LAMA4: variants seen among roughly 807,000 people sequenced by gnomAD.
The protein encoded by LAMA4 is laminin subunit alpha-4.
A neutral mutation model predicts 207.1 loss-of-function variants in LAMA4; 127 were observed. The observed-to-expected ratio is 0.61, with a 90% confidence interval of 0.53 to 0.71. The LOEUF is 0.71. Among genes scored for constraint, LAMA4 ranks in the 30% least tolerant of loss-of-function variants. The pLI is 0.00. For synonymous variants in LAMA4, 761 were observed against 816.0 expected, an observed-to-expected ratio of 0.93 and a Z score of 1.15; for missense variants, 2,093 against 2,246.5, an observed-to-expected ratio of 0.93 and a Z score of 1.38.
rs1778157285 is a variant in LAMA4 at position 112,118,582 on chromosome 6, C to T, written c.4821+574G>A. Among the ~76,000 whole-genome samples, 1 of 151,984 alleles carries T rather than the reference C, an allele frequency of 6.6e-6. No individual in the cohort carries two copies. Among genetic ancestry groups the T allele is most frequent in the Non-Finnish European group, 1.5e-5 (1 of 67,992 alleles). Reference sequence around the variant, plus strand: ...AAAAATTTAGTCCTTTGATGCATTCCTTTTATTGCTAAATTTTTTATAAGT... The same window carrying T: ...AAAAATTTAGTCCTTTGATGCATTCTTTTTATTGCTAAATTTTTTATAAGT... On this transcript the variant is annotated intron_variant, in intron 34 of 38. Transcript: ENST00000230538. This position sits in a 1 kb window ranked among gnomAD's most constrained non-coding sequence, Gnocchi z 4.6.
chr6:112,204,890 A>G (rs6916694), intron 4 of LAMA4, among the ~76,000 whole-genome samples: 8,364 of 152,230 alleles, frequency 0.055, 724 homozygotes, highest in African/African-American at 0.19. Context: ...GAAGGATGGG[A>G]CTGAAACTCG....
rs73530790 is a variant in LAMA4 at position 112,118,996 on chromosome 6, G to T, written c.4821+160C>A. On this transcript the variant is annotated intron_variant, in intron 34 of 38. Coordinates refer to ENST00000230538, the MANE Select transcript of LAMA4 (RefSeq NM_001105206.3). This position sits in a 1 kb window ranked among gnomAD's most constrained non-coding sequence, Gnocchi z 4.6. Reference sequence around the variant, plus strand: ...CTTTGTAATGCCACAGGGCAGACAGGCAGCCCATAAGACAGTACTTACTTT... The same window carrying T: ...CTTTGTAATGCCACAGGGCAGACAGTCAGCCCATAAGACAGTACTTACTTT... Among the ~76,000 whole-genome samples, 9,611 of 152,180 alleles carry T rather than the reference G, an allele frequency of 0.063. 979 individuals carry two copies. The highest frequency in any genetic ancestry group is 0.22 in the African/African-American group (8,956 of 41,480).
At chr6:112,248,754 A>G (rs11153348) in intron 2 of LAMA4, among the ~76,000 whole-genome samples, 40,629 of 151,994 alleles carry the variant, frequency 0.27, 6,539 homozygotes, top group Non-Finnish European at 0.37. Flanking sequence ...CGTGGAGGAC[A>G]CACCCTAGAA....
rs1346849457 is a variant in LAMA4 at position 112,135,991 on chromosome 6, C to T, written c.3414+132G>A. 20 of 775,540 alleles carry T rather than the reference C, an allele frequency of 2.6e-5. No individual in the cohort carries two copies. The African/African-American group carries it at 3.3e-4, about 13-fold the overall frequency. The allele number at this position is 775,540 out of a possible 1,614,324, so 48.0% of individuals were successfully genotyped here. ...TAGGGTTGAGAAGATGAGGGTCCTT[C>T]AGTTGCTCTTTAGATATGAAAGTTC... On this transcript the variant is annotated intron_variant, in intron 25 of 38. Transcript: ENST00000230538.
At position 112,136,216 on chromosome 6, in the gene LAMA4, T is replaced by C. The variant is rs781818041; in HGVS notation, c.3321A>G (p.Leu1107=). ...FFRLEMRNGY[L]HVFYDFGFSG... ...TGAATCCAAAATCATAGAACACATG[T>C]AGGTAACCATTGCGCATTTCCAGTC... Residue 1107 remains leucine (L), a synonymous_variant, in exon 25 of 39, where the codon CTA becomes CTG. Transcript: ENST00000230538. The C allele has an allele frequency of 3.7e-6, 6 of 1,611,940 alleles. No individual in the cohort carries two copies. The South Asian group carries it at 4.4e-5, about 12-fold the overall frequency.
At chr6:112,140,294 C>T (rs576917159) in intron 22 of LAMA4, among the ~76,000 whole-genome samples, 3 of 152,174 alleles carry the variant, frequency 2.0e-5, no homozygotes, top group Non-Finnish European at 2.9e-5. Context: ...CCATCTTCTT[C>T]GACCTTTCCT....
intron 9 of LAMA4, chr6:112,179,298 G>A (rs1203271732): frequency 6.6e-6 from 1 of 152,230 alleles, no homozygotes; most frequent in Non-Finnish European, 1.5e-5. Context: ...CGTGGTGAAG[G>A]ACAGAATGTG....
At chr6:112,206,901 A>G in intron 4 of LAMA4, 120 bp downstream of exon 4, 1 of 1,161,972 alleles carries the variant, frequency 8.6e-7, no homozygotes, top group Non-Finnish European at 1.3e-6. Flanking sequence ...TCTCATCTCA[A>G]TATGAGGTTT....
At chr6:112,226,915 A>G (rs1785245714) in intron 2 of LAMA4, among the ~76,000 whole-genome samples, 1 of 152,228 alleles carries the variant, frequency 6.6e-6, no homozygotes, top group African/African-American at 2.4e-5. Context: ...ATGTAATAAT[A>G]TATTGTGTAG....
At chr6:112,136,333 GACTGTATTCTTTATTA>G in intron 24 of LAMA4, 79 bp from the exon 25 acceptor site, 1 of 1,127,502 alleles carries the variant, frequency 8.9e-7, no homozygotes, top group Admixed American at 1.7e-5. Context: ...TGAGAAATAA[GACTGTATTCTTTATTA>G]CTGGAACTAT....
intron 2 of LAMA4, among the ~76,000 whole-genome samples, chr6:112,224,091 T>C (rs1554361536): frequency 6.6e-6 from 1 of 152,210 alleles, no homozygotes; most frequent in Non-Finnish European, 1.5e-5. Flanking sequence ...CCCCATCATC[T>C]GGCCTTCCTC....
intron 24 of LAMA4, 129 bp downstream of exon 24, chr6:112,138,991 T>C: frequency 1.1e-6 from 1 of 943,012 alleles, no homozygotes; most frequent in Non-Finnish European, 1.7e-6. Context: ...GAAAATCCAA[T>C]TTGACTTTCT....
chr6:112,178,240 T>G lies in LAMA4; in HGVS notation c.1078-8A>C. ...TCTGGAGGCTTGATTTTCCTACAAA[T>G]AATCCGTATAAAGGCTAGATTAAAT... On this transcript the variant is annotated splice_region_variant and splice_polypyrimidine_tract_variant and intron_variant, in intron 9 of 38. Coordinates refer to ENST00000230538, the MANE Select transcript of LAMA4 (RefSeq NM_001105206.3). 6.3e-7 allele frequency: 1 copy of G among 1,584,022 alleles called. No homozygotes were observed. Among genetic ancestry groups the G allele is most frequent in the Non-Finnish European group, 8.7e-7 (1 of 1,152,746 alleles).
chr6:112,240,657 CT>C (rs1372216204), intron 2 of LAMA4, among the ~76,000 whole-genome samples: 1 of 152,194 alleles, frequency 6.6e-6, no homozygotes, highest in Non-Finnish European at 1.5e-5. Flanking sequence ...CGACATTCAT[CT>C]TTCTGTGCCT....
chr6:112,114,210 A>T lies in LAMA4; in HGVS notation c.5207-15T>A. The T allele has an allele frequency of 6.2e-7, 1 of 1,613,098 alleles. No homozygotes were observed. The highest frequency in any genetic ancestry group is 8.5e-7 in the Non-Finnish European group (1 of 1,179,450). The stretch of plus-strand genomic sequence containing the variant: ...ATCTCTAATAACTGAAATGCAGGGC[A>T]AAGACTGGTCATAAGTGGCACTGGA... On this transcript the variant is annotated splice_polypyrimidine_tract_variant and intron_variant, in intron 37 of 38. Transcript: ENST00000230538.
rs782214587 is a variant in LAMA4, at chr6:112,185,246, T to C, written c.1068A>G (p.Leu356=). Residue 356 remains leucine, a synonymous_variant, in exon 9 of 39, where the codon TTA becomes TTG. Coordinates refer to ENST00000230538, the MANE Select transcript of LAMA4 (RefSeq NM_001105206.3). ...MKSLLSDVEE[L]VEKENQASRK... is the part of the protein sequence containing the mutation. ...ATACATACATACGTACCTTTTCAACTAATTCCTCTACGTCAGACAGAAGGC... is the reference window on the plus strand; with the variant it reads ...ATACATACATACGTACCTTTTCAACCAATTCCTCTACGTCAGACAGAAGGC... 1.9e-6 allele frequency: 3 copies of C among 1,598,674 alleles called. No homozygotes were observed. The South Asian group carries it at 3.3e-5, about 18-fold the overall frequency.
intron 3 of LAMA4, among the ~76,000 whole-genome samples, chr6:112,213,294 T>G (rs915068807): frequency 2.7e-4 from 41 of 152,342 alleles, no homozygotes; most frequent in African/African-American, 9.9e-4. Context: ...CCTCTAGGGC[T>G]GGGATGAAAT....
At chr6:112,159,863 C>T (rs1780948232) in intron 13 of LAMA4, among the ~76,000 whole-genome samples, 1 of 152,130 alleles carries the variant, frequency 6.6e-6, no homozygotes, top group African/African-American at 2.4e-5. Flanking sequence ...ATAGGCTCTG[C>T]TCAACTCCAC....
chr6:112,113,945 A>G (rs587669581), intron 38 of LAMA4, 131 bp downstream of exon 38: 1 of 1,058,596 alleles, frequency 9.4e-7, no homozygotes, highest in Non-Finnish European at 1.5e-6. Context: ...TTTTCCATTT[A>G]AACAACACTG....
Sources: gnomAD v4.1 joint callset for allele counts (sites outside exome capture counted in the v4.1 genomes callset) on GRCh38, gnomAD v4.1.1 for gene constraint, Gnocchi (gnomAD v3.1) non-coding constraint, MANE v1.5 for transcripts, NCBI Gene and HGNC (gene_info 2026-07-23, HGNC 2026-07-21) for gene names.